The following TOX2 variants were observed in gnomAD, a reference collection of about 807,000 sequenced individuals.
The protein encoded by TOX2 is granulosa cell HMG box 1.
In TOX2, 15 loss-of-function variants were observed where a neutral mutation model predicts 47.4. The observed-to-expected ratio is 0.32, with a 90% confidence interval of 0.21 to 0.49. The LOEUF (loss-of-function observed/expected upper bound fraction) is 0.49. TOX2 is among the 20% of genes least tolerant of loss of function. The pLI is 0.99. For synonymous variants in TOX2, 290 were observed against 296.6 expected (o/e 0.98, Z 0.23); for missense variants, 622 against 673.1 (o/e 0.92, Z 0.84).
In TOX2 at chr20:43,999,087, T is replaced by C. The variant is rs767914479; in HGVS notation, c.166-7460T>C. On this transcript the variant is annotated intron_variant, in intron 2 of 8. Coordinates refer to ENST00000341197, the MANE Select transcript of TOX2 (RefSeq NM_001098797.2). ...TGTCTATTTATTTTTATCTTACAGG[T>C]CATTTTATTTTAGGCATGTCTATTA... is the stretch of plus-strand genomic sequence containing the variant. Among the ~76,000 whole-genome samples the C allele has an allele frequency of 3.7e-4, 56 of 152,184 alleles. 1 individual carries two copies. The highest frequency in any genetic ancestry group is 2.6e-4 in the Non-Finnish European group (18 of 68,030).
chr20:43,926,726 CAG>C (rs1268043993), intron 1 of TOX2, among the ~76,000 whole-genome samples: 1 of 152,202 alleles, frequency 6.6e-6, no homozygotes, highest in African/African-American at 2.4e-5. Context: ...GCAATTCCCA[CAG>C]GGAGTTTTTA....
chr20:44,054,704 T>C (rs2071587204), intron 5 of TOX2, among the ~76,000 whole-genome samples, 178 bp downstream of exon 5: 1 of 152,228 alleles, frequency 6.6e-6, no homozygotes, highest in African/African-American at 2.4e-5. Context: ...CCAATTCTAC[T>C]AACCAACTGC....
At chr20:43,946,245 C>A (rs1048944951) in intron 1 of TOX2, among the ~76,000 whole-genome samples, 1 of 152,190 alleles carries the variant, frequency 6.6e-6, no homozygotes, top group Admixed American at 6.5e-5. Flanking sequence ...TTTGGGCTGT[C>A]CTCTGGAGAG....
intron 2 of TOX2, among the ~76,000 whole-genome samples, chr20:43,998,863 G>T (rs2070527907): frequency 6.6e-6 from 1 of 152,076 alleles, no homozygotes; most frequent in South Asian, 2.1e-4. Flanking sequence ...GGGTTCAAGG[G>T]ATTCTCCTGT....
At chr20:44,011,156 A>G (rs1270035162) in intron 3 of TOX2, among the ~76,000 whole-genome samples, 1 of 152,158 alleles carries the variant, frequency 6.6e-6, no homozygotes, top group Non-Finnish European at 1.5e-5. Flanking sequence ...CTCCCATCTC[A>G]AGATCCTTAA....
At chr20:43,948,865 G>A (rs1378121229) in intron 1 of TOX2, among the ~76,000 whole-genome samples, 1 of 152,226 alleles carries the variant, frequency 6.6e-6, no homozygotes, top group Admixed American at 6.5e-5. Flanking sequence ...TGAGCCTGGA[G>A]TAGCAATTGG....
intron 5 of TOX2, among the ~76,000 whole-genome samples, chr20:44,061,781 C>T (rs184145922): frequency 1.0e-3 from 159 of 152,118 alleles, no homozygotes; most frequent in African/African-American, 3.4e-3. Flanking sequence ...AAAGATAATC[C>T]ACCATGATCA....
chr20:43,924,155 G>T (rs983585432), intron 1 of TOX2, among the ~76,000 whole-genome samples: 1 of 152,192 alleles, frequency 6.6e-6, no homozygotes, highest in African/African-American at 2.4e-5. Flanking sequence ...AAGAGGGCTG[G>T]AGAGTACCAC....
intron 3 of TOX2, among the ~76,000 whole-genome samples, chr20:44,040,289 TG>T (rs1366427868): frequency 6.6e-6 from 1 of 152,084 alleles, no homozygotes; most frequent in Non-Finnish European, 1.5e-5. Context: ...GAAAGTAAGA[TG>T]GGAGGAAATG....
intron 3 of TOX2, among the ~76,000 whole-genome samples, chr20:44,026,248 T>TATATATATATACACACACACAC (rs750976068): frequency 4.4e-5 from 3 of 67,740 alleles, no homozygotes; most frequent in African/African-American, 2.2e-4. Flanking sequence ...TATATATATA[T>TATATATATATACACACACACAC]AGACACACAC....
intron 5 of TOX2, among the ~76,000 whole-genome samples, chr20:44,062,336 T>TTGGTCA (rs1322083220): frequency 6.7e-6 from 1 of 149,918 alleles, no homozygotes; most frequent in Admixed American, 6.6e-5. Context: ...AAGCTGAGAA[T>TTGGTCA]CACATCAAGA....
rs1569024810 is a variant in TOX2, at chr20:43,949,717, CGG to C, written c.100-23649_100-23648del. On this transcript the variant is annotated intron_variant, in intron 1 of 8. Coordinates refer to ENST00000341197, the MANE Select transcript of TOX2 (RefSeq NM_001098797.2). Reference sequence around the variant, plus strand: ...CTCGCAGGTGTGGTCACGACATCCACGGCTTTCCAGAAGCCTTCTCTGATTGC... The same window carrying C: ...CTCGCAGGTGTGGTCACGACATCCACCTTTCCAGAAGCCTTCTCTGATTGC... Among the ~76,000 whole-genome samples, 5 of 152,322 alleles carry C rather than the reference CGG, an allele frequency of 3.3e-5. No homozygotes were observed. The East Asian group carries it at 9.6e-4, about 29-fold the overall frequency.
At chr20:43,994,877 C>T (rs1276732369) in intron 2 of TOX2, among the ~76,000 whole-genome samples, 1 of 152,144 alleles carries the variant, frequency 6.6e-6, no homozygotes, top group African/African-American at 2.4e-5. Context: ...CCAAGCATTT[C>T]GGGGTCAGGA....
intron 1 of TOX2, among the ~76,000 whole-genome samples, chr20:43,937,769 A>T (rs2069346154): frequency 6.6e-6 from 1 of 152,202 alleles, no homozygotes; most frequent in Non-Finnish European, 1.5e-5. Context: ...CTGCCTGCCC[A>T]GTCCCATAAG....
At chr20:43,954,482 TG>T (rs2069633628) in intron 1 of TOX2, among the ~76,000 whole-genome samples, 1 of 152,210 alleles carries the variant, frequency 6.6e-6, no homozygotes, top group African/African-American at 2.4e-5. Flanking sequence ...TGCTTCTCGT[TG>T]TGTCCCAGCC....
intron 2 of TOX2, among the ~76,000 whole-genome samples, chr20:43,992,202 G>A (rs1356090090): frequency 6.6e-6 from 1 of 152,184 alleles, no homozygotes; most frequent in Non-Finnish European, 1.5e-5. Flanking sequence ...TTTGAGGAAC[G>A]TGGCTGGAGT....
At chr20:43,926,576 G>A (rs1461627773) in intron 1 of TOX2, among the ~76,000 whole-genome samples, 6 of 152,140 alleles carry the variant, frequency 3.9e-5, no homozygotes, top group African/African-American at 1.2e-4. Context: ...GTAGAACAGC[G>A]AGCATAGACC....
Position 44,069,285 on chromosome 20 carries a change from C to G in TOX2, c.*599C>G, listed in dbSNP as rs2071895708. The G allele has an allele frequency of 1.6e-5, 3 of 183,434 alleles. No individual in the cohort carries two copies. Among genetic ancestry groups the G allele is most frequent in the Non-Finnish European group, 3.5e-5 (3 of 85,870 alleles). 11.4% of individuals were successfully genotyped at this position (183,434 alleles called of 1,614,324 possible). ...TCCTTAGCACATTTTTAAGTTTTAT[C>G]TTAAGGGAGACGCGCACAAAAGCGG... On this transcript the variant is annotated 3_prime_UTR_variant, in exon 9 of 9. Coordinates refer to ENST00000341197, the MANE Select transcript of TOX2 (RefSeq NM_001098797.2).
chr20:44,044,422 T>A (rs1379426589), intron 3 of TOX2, among the ~76,000 whole-genome samples: 11 of 143,448 alleles, frequency 7.7e-5, no homozygotes, highest in Admixed American at 6.9e-5. Flanking sequence ...ACTTAAAGCA[T>A]AAAAAAAAAA....
Sources: allele counts gnomAD v4.1 joint callset (sites outside exome capture counted in the v4.1 genomes callset), GRCh38; gene constraint gnomAD v4.1.1; transcripts MANE v1.5; gene names NCBI Gene and HGNC (gene_info 2026-07-23, HGNC 2026-07-21).